The following PVT1 variants were observed in gnomAD, a reference collection of about 807,000 sequenced individuals.
PVT1 encodes Pvt1 oncogene.
intron 2 of PVT1, among the ~76,000 whole-genome samples, chr8:127,832,684 C>A (rs557830433): frequency 1.3e-5 from 2 of 152,198 alleles, no homozygotes; most frequent in East Asian, 1.9e-4. Flanking sequence ...TGGTGAAACC[C>A]CATCTCTACT....
intron 2 of PVT1, among the ~76,000 whole-genome samples, chr8:127,817,528 A>AATAT (rs36101639): frequency 0.015 from 1,009 of 68,672 alleles, 49 homozygotes; most frequent in African/African-American, 0.049. Context: ...TATCTATTTA[A>AATAT]ATATATATAT....
chr8:127,810,433 C>G (rs968772709), intron 2 of PVT1, among the ~76,000 whole-genome samples: 1 of 152,204 alleles, frequency 6.6e-6, no homozygotes, highest in African/African-American at 2.4e-5. Flanking sequence ...GTGCCTGGTG[C>G]GTCAGAGGCT....
At chr8:127,948,074 C>T (rs1373533717) in intron 3 of PVT1, 5 of 378,602 alleles carry the variant, frequency 1.3e-5, no homozygotes, top group South Asian at 1.0e-4. Context: ...TAAGTTTTAG[C>T]TTTCTTCTGC....
intron 2 of PVT1, among the ~76,000 whole-genome samples, chr8:127,820,279 C>T (rs577842088): frequency 1.3e-5 from 2 of 152,316 alleles, no homozygotes; most frequent in South Asian, 4.1e-4. Flanking sequence ...ACACCCCTCC[C>T]AGCCCAGAAA....
At chr8:127,854,331 G>A (rs1815139764) in intron 2 of PVT1, among the ~76,000 whole-genome samples, 1 of 152,216 alleles carries the variant, frequency 6.6e-6, no homozygotes, top group African/African-American at 2.4e-5. Context: ...CAGCTCAGGG[G>A]CTTGCTCATG....
intron 6 of PVT1, among the ~76,000 whole-genome samples, chr8:128,097,525 T>C (rs1340004031): frequency 6.6e-6 from 1 of 152,078 alleles, no homozygotes; most frequent in Non-Finnish European, 1.5e-5. Context: ...CCTAAAATAT[T>C]GACCCTCTGG....
intron 2 of PVT1, among the ~76,000 whole-genome samples, chr8:127,848,396 A>G (rs1224230620): frequency 6.6e-6 from 1 of 151,888 alleles, no homozygotes. Context: ...CCAAAACCAC[A>G]AATTTGGCTG....
chr8:127,888,281 T>G (rs1302825457), intron 2 of PVT1, among the ~76,000 whole-genome samples: 2 of 152,184 alleles, frequency 1.3e-5, no homozygotes, highest in Non-Finnish European at 2.9e-5. Flanking sequence ...ACTGTTTCCT[T>G]CGTGATTTCT....
intron 4 of PVT1, among the ~76,000 whole-genome samples, chr8:128,031,983 A>G (rs959483867): frequency 6.6e-6 from 1 of 152,204 alleles, no homozygotes; most frequent in African/African-American, 2.4e-5. Context: ...GATGATGATG[A>G]TGACGACGAT....
intron 4 of PVT1, among the ~76,000 whole-genome samples, chr8:128,025,787 T>A (rs1048967031): frequency 1.4e-4 from 21 of 152,140 alleles, no homozygotes; most frequent in African/African-American, 4.8e-4. Context: ...TTAGCTCACT[T>A]AAGGTCTCCC....
chr8:127,945,538 C>A (rs1217896388), intron 3 of PVT1, among the ~76,000 whole-genome samples: 3 of 152,198 alleles, frequency 2.0e-5, no homozygotes, highest in Admixed American at 2.0e-4. Flanking sequence ...GCAGCCTGCC[C>A]TCAACTGCCC....
rs926056028 is a variant in PVT1, at chr8:127,898,062, GAAAGA to G, written n.782+7077_782+7081del. Among the ~76,000 whole-genome samples the G allele has an allele frequency of 7.2e-6, 1 of 139,322 alleles. No homozygotes were observed. The highest frequency in any genetic ancestry group is 2.7e-5 in the African/African-American group (1 of 37,258). 91.4% of individuals were successfully genotyped at this position (139,322 alleles called of 152,430 possible). On this transcript the variant is annotated intron_variant and non_coding_transcript_variant, in intron 3 of 10. Coordinates refer to ENST00000651587, the Ensembl canonical transcript of PVT1. This position sits in a 1 kb window ranked among gnomAD's most constrained non-coding sequence, Gnocchi z 4.4. ...ACTCTGTCCTTTGTACCTGCGTGAA[GAAAGA>G]AAAGAAAAGAAAGAAAAGGGAAGGA...
intron 2 of PVT1, among the ~76,000 whole-genome samples, chr8:127,836,154 G>A (rs1458971500): frequency 1.3e-5 from 2 of 152,078 alleles, no homozygotes; most frequent in African/African-American, 4.8e-5. Flanking sequence ...ACCAGTCATA[G>A]TCTGTAAAAA....
intron 4 of PVT1, among the ~76,000 whole-genome samples, chr8:128,054,649 A>G (rs1813742830): frequency 6.6e-6 from 1 of 152,142 alleles, no homozygotes; most frequent in Non-Finnish European, 1.5e-5. Context: ...CTCTTGCCAC[A>G]TGATTTGGGC....
At chr8:127,948,500 T>A (rs1306170922) in intron 3 of PVT1, 1 of 157,238 alleles carries the variant, frequency 6.4e-6, no homozygotes, top group East Asian at 1.8e-4. Flanking sequence ...TATGACTGGA[T>A]GAATTCTGTC....
chr8:128,087,385 G>A (rs58835856), intron 5 of PVT1, among the ~76,000 whole-genome samples: 10 of 152,156 alleles, frequency 6.6e-5, no homozygotes, highest in Non-Finnish European at 7.3e-5. Context: ...CATTATCCTA[G>A]TTTGCCGGAA....
At chr8:127,957,566 C>CAAAAA (rs56796489) in intron 3 of PVT1, among the ~76,000 whole-genome samples, 55 of 90,484 alleles carry the variant, frequency 6.1e-4, no homozygotes, top group Admixed American at 9.1e-4. Context: ...GACTCCGTCT[C>CAAAAA]AAAAAAAAAA....
intron 3 of PVT1, among the ~76,000 whole-genome samples, chr8:127,924,772 A>T (rs913343456): frequency 2.6e-5 from 4 of 151,362 alleles, no homozygotes; most frequent in African/African-American, 9.7e-5. Flanking sequence ...CGGCCTCCCA[A>T]AGTGCTGGGA....
intron 3 of PVT1, among the ~76,000 whole-genome samples, chr8:127,917,991 C>T (rs1446181934): frequency 6.6e-6 from 1 of 152,252 alleles, no homozygotes; most frequent in Admixed American, 6.5e-5. Flanking sequence ...CCTCTGCTTG[C>T]CCCGTAGCAG....
Sources: gnomAD v4.1 joint callset for allele counts (sites outside exome capture counted in the v4.1 genomes callset) on GRCh38, gnomAD v4.1.1 for gene constraint, Gnocchi (gnomAD v3.1) non-coding constraint, MANE v1.5 for transcripts, NCBI Gene and HGNC (gene_info 2026-07-23, HGNC 2026-07-21) for gene names.